CSMD2: variants seen among roughly 807,000 people sequenced by gnomAD.
CSMD2 encodes CUB and sushi domain-containing protein 2.
In CSMD2, 130 loss-of-function variants were observed where a neutral mutation model predicts 398.5. The observed-to-expected ratio is 0.33, with a 90% CI of 0.28 to 0.38. The LOEUF (loss-of-function observed/expected upper bound fraction) is 0.38, where lower values mean the gene tolerates loss of function less well. Ranked by LOEUF, CSMD2 falls within the 10% of genes least tolerant of loss-of-function variation. The pLI is 1.00. For missense variants in CSMD2, 3,829 were observed against 4,764.9 expected, an observed-to-expected ratio of 0.80 and a Z score of 5.78; for synonymous variants, 1,828 against 1,908.5, an observed-to-expected ratio of 0.96 and a Z score of 1.10.
At chr1:33,920,866 TAGTC>T (rs1216943211) in intron 4 of CSMD2, among the ~76,000 whole-genome samples, 2 of 152,284 alleles carry the variant, frequency 1.3e-5, no homozygotes, top group East Asian at 1.9e-4. Context: ...CAGTGAGACA[TAGTC>T]AGAGTCTGGC....
chr1:34,137,402 T>C (rs905766541), intron 1 of CSMD2, among the ~76,000 whole-genome samples: 3 of 152,338 alleles, frequency 2.0e-5, no homozygotes, highest in African/African-American at 4.8e-5. Flanking sequence ...TCCACACTTA[T>C]ATCCCTTCTC....
intron 7 of CSMD2, among the ~76,000 whole-genome samples, chr1:33,821,861 C>T (rs1658193213): frequency 6.6e-6 from 1 of 152,062 alleles, no homozygotes; most frequent in African/African-American, 2.4e-5. Context: ...ACCTTCTGAG[C>T]TAATAGGATT....
At chr1:33,830,000 G>A (rs986202760) in intron 6 of CSMD2, among the ~76,000 whole-genome samples, 7 of 152,258 alleles carry the variant, frequency 4.6e-5, no homozygotes, top group Admixed American at 3.9e-4. Context: ...AAACAAAGCA[G>A]CTGGGAAGCT....
intron 3 of CSMD2, among the ~76,000 whole-genome samples, chr1:34,001,322 CAT>C (rs985314926): frequency 6.6e-6 from 1 of 152,130 alleles, no homozygotes; most frequent in African/African-American, 2.4e-5. Context: ...CAAAAGAGCA[CAT>C]GAGGTCTCCA....
chr1:33,542,876 C>T lies in CSMD2; in HGVS notation c.9121G>A (p.Gly3041Arg), dbSNP rs1287360039. 1 of 1,614,038 alleles carries T rather than the reference C, an allele frequency of 6.2e-7. No homozygotes were observed. Among genetic ancestry groups the T allele is most frequent in the Non-Finnish European group, 8.5e-7 (1 of 1,180,020 alleles). The stretch of plus-strand genomic sequence containing the variant: ...ACAACTCGGGCATTACTTGGAGTCC[C>T]AGGGTTCCCACAAGAGATCACTAGG... ...ECGVISCGNP[G>R]TPSNARVVFS... The change falls in exon 58 of 71, where the codon GGG (glycine) becomes AGG (arginine). Residue 3041 changes from glycine to arginine, a missense_variant. Transcript: ENST00000373381.
At chr1:33,924,748 T>C (rs1644065190) in intron 4 of CSMD2, among the ~76,000 whole-genome samples, 1 of 152,260 alleles carries the variant, frequency 6.6e-6, no homozygotes, top group Non-Finnish European at 1.5e-5. Context: ...TAGGGTAAAA[T>C]GATACCTCAC....
chr1:33,814,348 C>T (rs1468065353), intron 9 of CSMD2: 1 of 152,190 alleles, frequency 6.6e-6, no homozygotes, highest in Non-Finnish European at 1.5e-5. Flanking sequence ...CTCCTGATTA[C>T]TCATCTCAAA....
At chr1:33,697,768 A>T (rs1012073490) in intron 24 of CSMD2, among the ~76,000 whole-genome samples, 1 of 152,246 alleles carries the variant, frequency 6.6e-6, no homozygotes, top group Admixed American at 6.5e-5. Context: ...TTATCTGTTT[A>T]TGTGTCTATT....
rs1298515536 is a variant in CSMD2, at chr1:33,625,190, C to A, written c.5361G>T (p.Leu1787=). 6.2e-7 allele frequency: 1 copy of A among 1,613,920 alleles called. No homozygotes were observed. The highest frequency in any genetic ancestry group is 8.5e-7 in the Non-Finnish European group (1 of 1,180,006). The change falls in exon 34 of 71, where the codon CTG becomes CTT. Residue 1787 remains leucine, a synonymous_variant. Transcript: ENST00000373381. The part of the protein sequence containing the change: ...SVPEPRYGKR[L]GSDFSVGAIV... ...TGGCCCCCACCGAGAAGTCACTGCC[C>A]AGCCTCTTGCCATAGCGGGGTTCCG...
rs558537637 is a variant in CSMD2 at position 33,953,339 on chromosome 1, C to T, written c.518-17385G>A. 9.2e-5 allele frequency among the ~76,000 whole-genome samples: 14 copies of T among 152,298 alleles called. No individual in the cohort carries two copies. In the South Asian group the frequency reaches 2.9e-3, roughly 32 times the overall value. ...AATAAATGAATTTAAATTTGCAGAG[C>T]CATGGCCTACCCATTCTCTGCTACA... is the stretch of plus-strand genomic sequence containing the variant. On this transcript the variant is annotated intron_variant, in intron 3 of 70. Transcript: ENST00000373381.
At position 33,742,035 on chromosome 1, in the gene CSMD2, C is replaced by G. The variant is rs567661435; in HGVS notation, c.2173+1245G>C. Among the ~76,000 whole-genome samples, 4 of 152,330 alleles carry G rather than the reference C, an allele frequency of 2.6e-5. No homozygotes were observed. The South Asian group carries it at 6.2e-4, about 24-fold the overall frequency. On this transcript the variant is annotated intron_variant, in intron 14 of 70. Transcript: ENST00000373381. Reference sequence around the variant, plus strand: ...GATATAAAGATAAGGAAAGCATACTCGCTCCTTTCTAGTGTGAAGCAGCAT... The same window carrying G: ...GATATAAAGATAAGGAAAGCATACTGGCTCCTTTCTAGTGTGAAGCAGCAT...
intron 1 of CSMD2, among the ~76,000 whole-genome samples, chr1:34,135,158 TAATGCAAATTGGCAAGTTTATCA>T (rs1638587282): frequency 6.6e-6 from 1 of 151,726 alleles, no homozygotes; most frequent in Admixed American, 6.6e-5. Flanking sequence ...GTGTTTAAAT[TAATGCAAATTGGCAAGTTTATCA>T]AATGCATATA....
intron 3 of CSMD2, among the ~76,000 whole-genome samples, chr1:33,951,795 C>T (rs1645015941): frequency 6.6e-6 from 1 of 152,222 alleles, no homozygotes; most frequent in African/African-American, 2.4e-5. Context: ...CCCGCTACTT[C>T]CATCCCTACC....
intron 57 of CSMD2, among the ~76,000 whole-genome samples, chr1:33,543,591 G>A (rs1656569927): frequency 6.6e-6 from 1 of 152,202 alleles, no homozygotes; most frequent in South Asian, 2.1e-4. Flanking sequence ...GGGCATGCCT[G>A]CCTAATGTGG....
At chr1:33,555,962 C>T (rs967406605) in intron 55 of CSMD2, among the ~76,000 whole-genome samples, 3 of 151,988 alleles carry the variant, frequency 2.0e-5, no homozygotes, top group African/African-American at 4.8e-5. Flanking sequence ...TTGGAGTAAG[C>T]TGATTCTAAC....
intron 41 of CSMD2, chr1:33,605,752 T>C (rs1640552575): frequency 1.1e-6 from 1 of 909,010 alleles, no homozygotes; most frequent in Admixed American, 2.7e-5. Flanking sequence ...AGTAATTCCG[T>C]AGGAAAAGGA....
rs71647947 is a variant in CSMD2, at chr1:33,725,365, G to C, written c.2679C>G (p.Phe893Leu). The C allele has an allele frequency of 6.2e-7, 1 of 1,614,010 alleles. No homozygotes were observed. The highest frequency in any genetic ancestry group is 8.5e-7 in the Non-Finnish European group (1 of 1,179,916). Reference sequence around the variant, plus strand: ...GAGACTCACTCTCATAGCGGAGCTGGAAGCCGATGTCCGAGTGACTCTTGT... The same window carrying C: ...GAGACTCACTCTCATAGCGGAGCTGCAAGCCGATGTCCGAGTGACTCTTGT... ...STDKSHSDIG[F>L]QLRYETITLQ... Residue 893 changes from phenylalanine (F) to leucine (L), a missense_variant, in exon 17 of 71, where the codon TTC (phenylalanine) becomes TTG (leucine). Coordinates refer to ENST00000373381, the MANE Select transcript of CSMD2 (RefSeq NM_001281956.2).
chr1:33,709,144 T>C lies in CSMD2; in HGVS notation c.3521A>G (p.Lys1174Arg). 1.8e-5 allele frequency: 29 copies of C among 1,614,070 alleles called. No individual in the cohort carries two copies. The highest frequency in any genetic ancestry group is 2.5e-5 in the Non-Finnish European group (29 of 1,179,962). The change falls in exon 22 of 71, where the codon AAG becomes AGG. Residue 1174 changes from lysine to arginine, a missense_variant. This residue lies in a region of CSMD2 where 2,001 missense variants were observed against 2,567.1 expected (regional missense o/e 0.78). Coordinates refer to ENST00000373381, the MANE Select transcript of CSMD2 (RefSeq NM_001281956.2). ...TGCCCTGGCTTTCAGCTGAATTCCCTTCCCTGGCTGGGTCTGGATGGAGTA... is the reference window on the plus strand; with the variant it reads ...TGCCCTGGCTTTCAGCTGAATTCCCCTCCCTGGCTGGGTCTGGATGGAGTA... ...CIYSIQTQPGKGIQLKARAFE... is the reference protein window; with the variant it reads ...CIYSIQTQPGRGIQLKARAFE...
At chr1:33,781,575 C>G (rs1652772533) in intron 12 of CSMD2, among the ~76,000 whole-genome samples, 1 of 152,172 alleles carries the variant, frequency 6.6e-6, no homozygotes. Flanking sequence ...CTGTCCTGCT[C>G]CTTCATGTCT....
Sources: allele counts gnomAD v4.1 joint callset (sites outside exome capture counted in the v4.1 genomes callset), GRCh38; gene constraint gnomAD v4.1.1; regional missense constraint gnomAD v4.1.1; transcripts MANE v1.5; gene names NCBI Gene and HGNC (gene_info 2026-07-23, HGNC 2026-07-21).